SDK1: variants seen among roughly 807,000 people sequenced by gnomAD.
SDK1 encodes protein sidekick-1.
Under a neutral mutation model 245.5 loss-of-function variants are expected in SDK1, and 157 were observed. That is an observed-to-expected ratio of 0.64 (90% CI 0.56 to 0.73). The LOEUF is 0.73. SDK1 is among the 30% of genes least tolerant of loss of function. The pLI is 0.00. For synonymous variants in SDK1, 1,647 were observed against 1,278.5 expected (o/e 1.29, Z -6.15); for missense variants, 3,583 against 3,002.3 (o/e 1.19, Z -4.52).
rs1554265733 is a variant in SDK1 at position 3,398,771 on chromosome 7, T to TG, written c.298+96887_298+96888insG. 3.6e-4 allele frequency among the ~76,000 whole-genome samples: 54 copies of TG among 149,008 alleles called. 1 individual carries two copies. Among genetic ancestry groups the TG allele is most frequent in the African/African-American group, 1.2e-3 (50 of 40,942 alleles). Reference sequence around the variant, plus strand: ...CCCTAAGACTGAGCCCCCAGTAGTTTTTTTTTTTTTTTTTCCTCAAGCTAG... The same window carrying TG: ...CCCTAAGACTGAGCCCCCAGTAGTTTGTTTTTTTTTTTTTTCCTCAAGCTAG... On this transcript the variant is annotated intron_variant, in intron 1 of 44. Transcript: ENST00000404826.
intron 4 of SDK1, among the ~76,000 whole-genome samples, chr7:3,769,936 CTGTGTGTGTGTG>C (rs34066132): frequency 6.9e-5 from 10 of 144,742 alleles, no homozygotes; most frequent in African/African-American, 1.5e-4. Context: ...TACTTATTGT[CTGTGTGTGTGTG>C]TGTGTGTGTG....
chr7:3,970,101 C>A (rs1171113479), intron 11 of SDK1, among the ~76,000 whole-genome samples: 4 of 152,228 alleles, frequency 2.6e-5, no homozygotes, highest in Admixed American at 2.6e-4. Flanking sequence ...AATACACTTT[C>A]TCCTCTCTGT....
At position 4,037,461 on chromosome 7, in the gene SDK1, T is replaced by C. The variant is rs184895469; in HGVS notation, c.2603-11887T>C. Among the ~76,000 whole-genome samples the C allele has an allele frequency of 4.6e-3, 701 of 152,090 alleles. 2 individuals carry two copies. Among genetic ancestry groups the C allele is most frequent in the Non-Finnish European group, 7.6e-3 (519 of 67,992 alleles). On this transcript the variant is annotated intron_variant, in intron 17 of 44. Coordinates refer to ENST00000404826, the MANE Select transcript of SDK1 (RefSeq NM_152744.4). Reference sequence around the variant, plus strand: ...TAGTGAGACCCATCTCTACAAAAAATGCAAAAAATTAGCTGATTGTGATGA... The same window carrying C: ...TAGTGAGACCCATCTCTACAAAAAACGCAAAAAATTAGCTGATTGTGATGA...
In SDK1 at chr7:4,123,233, A is replaced by T. The variant is rs80260412; in HGVS notation, c.3824-4148A>T. Among the ~76,000 whole-genome samples the T allele has an allele frequency of 5.1e-3, 772 of 152,310 alleles. 7 individuals carry two copies. Among genetic ancestry groups the T allele is most frequent in the African/African-American group, 0.017 (692 of 41,566 alleles). ...ATGGCCTCTCTTTTTGCAGACAGGGACAGAGGTTTTAGAACCTGGTACCAA... is the reference window on the plus strand; with the variant it reads ...ATGGCCTCTCTTTTTGCAGACAGGGTCAGAGGTTTTAGAACCTGGTACCAA... On this transcript the variant is annotated intron_variant, in intron 25 of 44. Coordinates refer to ENST00000404826, the MANE Select transcript of SDK1 (RefSeq NM_152744.4).
intron 41 of SDK1, among the ~76,000 whole-genome samples, chr7:4,234,793 G>T (rs569379192): frequency 6.6e-6 from 1 of 152,326 alleles, no homozygotes; most frequent in Admixed American, 6.5e-5. Context: ...CAGGGCGCTG[G>T]GGGGTTCAGA....
intron 35 of SDK1, among the ~76,000 whole-genome samples, chr7:4,203,624 C>T (rs1181861763): frequency 6.6e-6 from 1 of 152,024 alleles, no homozygotes; most frequent in Non-Finnish European, 1.5e-5. Flanking sequence ...CAATCAGATG[C>T]TCCGTGTCTC....
At chr7:4,008,693 G>C (rs1332525016) in intron 14 of SDK1, among the ~76,000 whole-genome samples, 1 of 152,128 alleles carries the variant, frequency 6.6e-6, no homozygotes, top group East Asian at 1.9e-4. Context: ...GGCATGCCTG[G>C]GCATCTAACA....
At chr7:3,574,552 G>A (rs1159219185) in intron 1 of SDK1, among the ~76,000 whole-genome samples, 1 of 152,010 alleles carries the variant, frequency 6.6e-6, no homozygotes, top group Non-Finnish European at 1.5e-5. Flanking sequence ...AAAACTCCTG[G>A]CCTCCCCACT....
intron 19 of SDK1, among the ~76,000 whole-genome samples, chr7:4,055,254 A>G (rs1033616495): frequency 6.6e-6 from 1 of 152,228 alleles, no homozygotes; most frequent in Non-Finnish European, 1.5e-5. Flanking sequence ...TATTTTTAAT[A>G]TAAATGCAAT....
At chr7:4,016,612 GTCT>G (rs1340339326) in intron 16 of SDK1, among the ~76,000 whole-genome samples, 1 of 152,116 alleles carries the variant, frequency 6.6e-6, no homozygotes, top group African/African-American at 2.4e-5. Context: ...ACTCACAGAG[GTCT>G]TCTACAAAGC....
intron 1 of SDK1, among the ~76,000 whole-genome samples, chr7:3,352,201 T>G (rs1304137754): frequency 6.6e-6 from 1 of 150,798 alleles, no homozygotes; most frequent in Non-Finnish European, 1.5e-5. Context: ...AATCTGTCAC[T>G]TAAATACAAA....
intron 1 of SDK1, among the ~76,000 whole-genome samples, chr7:3,310,426 G>T (rs1160634383): frequency 2.0e-5 from 3 of 152,206 alleles, no homozygotes; most frequent in Non-Finnish European, 4.4e-5. Context: ...GGGCTAGGTG[G>T]TGGTGCTGGA....
chr7:3,932,065 T>C (rs143261651), intron 5 of SDK1, among the ~76,000 whole-genome samples: 72 of 152,304 alleles, frequency 4.7e-4, no homozygotes, highest in African/African-American at 1.6e-3. Context: ...ACCTGCCACG[T>C]TTTTAATAGG....
At chr7:3,523,944 GTACATTC>G (rs1181238778) in intron 1 of SDK1, among the ~76,000 whole-genome samples, 1 of 152,144 alleles carries the variant, frequency 6.6e-6, no homozygotes, top group East Asian at 1.9e-4. Flanking sequence ...CTTGATGTCT[GTACATTC>G]TCCTTTGAGT....
chr7:4,015,329 C>G (rs1786311007), intron 16 of SDK1, among the ~76,000 whole-genome samples: 1 of 152,176 alleles, frequency 6.6e-6, no homozygotes, highest in Non-Finnish European at 1.5e-5. Flanking sequence ...AGGAATCCTT[C>G]TTAAACGGCA....
chr7:3,944,413 G>T (rs1780495963), intron 5 of SDK1, among the ~76,000 whole-genome samples: 1 of 152,166 alleles, frequency 6.6e-6, no homozygotes, highest in South Asian at 2.1e-4. Context: ...CTTATTCGTT[G>T]GTATATGGCA....
chr7:3,533,815 C>G (rs1252873924), intron 1 of SDK1, among the ~76,000 whole-genome samples: 1 of 151,200 alleles, frequency 6.6e-6, no homozygotes, highest in Non-Finnish European at 1.5e-5. Context: ...ATAATTTTTT[C>G]TTAGTTATGT....
chr7:3,793,526 A>T (rs771381916), intron 4 of SDK1, among the ~76,000 whole-genome samples: 1 of 152,158 alleles, frequency 6.6e-6, no homozygotes, highest in Non-Finnish European at 1.5e-5. Context: ...TCTTAGTGCA[A>T]ACTTTTAAGT....
intron 1 of SDK1, among the ~76,000 whole-genome samples, chr7:3,366,965 C>A (rs528435391): frequency 2.0e-5 from 3 of 152,128 alleles, no homozygotes; most frequent in African/African-American, 4.8e-5. Flanking sequence ...TGGTCTCGAT[C>A]TCCTGACCTC....
Sources: allele counts gnomAD v4.1 joint callset (sites outside exome capture counted in the v4.1 genomes callset), GRCh38; gene constraint gnomAD v4.1.1; transcripts MANE v1.5; gene names NCBI Gene and HGNC (gene_info 2026-07-23, HGNC 2026-07-21).